Variants in NFIA observed in about 807,000 individuals in gnomAD.
The protein encoded by NFIA is nuclear factor I A, also known as nuclear factor 1 A-type.
NFIA carries 8 observed loss-of-function variants against 62.8 expected under a neutral mutation model. That is an observed-to-expected ratio of 0.13 (90% CI 0.07 to 0.23). The LOEUF (loss-of-function observed/expected upper bound fraction) is 0.23, where lower values mean the gene tolerates loss of function less well. Among genes scored for constraint, NFIA ranks in the 10% least tolerant of loss-of-function variants. The pLI, the probability that NFIA is intolerant of heterozygous loss-of-function variation, is 1.00. For synonymous variants in NFIA, 235 were observed against 238.1 expected, an observed-to-expected ratio of 0.99 and a Z score of 0.12; for missense variants, 410 against 642.1, an observed-to-expected ratio of 0.64 and a Z score of 3.91.
At chr1:61,439,227 G>T (rs1667469949) in intron 10 of NFIA, among the ~76,000 whole-genome samples, 2 of 152,096 alleles carry the variant, frequency 1.3e-5, no homozygotes. Context: ...GCTGCATCAA[G>T]ACCCAGATCA....
At chr1:61,096,144 A>G (rs1008248358) in intron 2 of NFIA, among the ~76,000 whole-genome samples, 8 of 152,324 alleles carry the variant, frequency 5.3e-5, no homozygotes, top group African/African-American at 1.2e-4. Context: ...AAATTAAAAT[A>G]GGAAAAAAAT....
In NFIA at chr1:61,460,515, G is replaced by A. The variant is rs1272422703; in HGVS notation, c.*5195G>A. The stretch of plus-strand genomic sequence containing the variant: ...TGTAAATGCATAGCAGTGTTTATCT[G>A]CATGAGAACTATGCACTAATCTATC... On this transcript the variant is annotated 3_prime_UTR_variant, in exon 11 of 11. Transcript: ENST00000403491. 1 of 152,206 alleles carries A rather than the reference G, an allele frequency of 6.6e-6. No homozygotes were observed. The highest frequency in any genetic ancestry group is 1.5e-5 in the Non-Finnish European group (1 of 68,028). 9.4% of individuals were successfully genotyped at this position (152,206 alleles called of 1,614,324 possible).
intron 3 of NFIA, among the ~76,000 whole-genome samples, chr1:61,305,287 G>A (rs984459893): frequency 1.3e-5 from 2 of 152,098 alleles, no homozygotes; most frequent in African/African-American, 4.8e-5. Context: ...GAAGAGAAAA[G>A]GACCAGAGTT....
chr1:61,129,816 A>G (rs1348588493), intron 2 of NFIA, among the ~76,000 whole-genome samples: 1 of 152,194 alleles, frequency 6.6e-6, no homozygotes, highest in African/African-American at 2.4e-5. Context: ...GGCATTCTCC[A>G]AAGGGAACTT....
intron 2 of NFIA, among the ~76,000 whole-genome samples, chr1:61,275,308 A>G (rs147603163): frequency 1.2e-4 from 19 of 152,194 alleles, no homozygotes; most frequent in African/African-American, 3.9e-4. Flanking sequence ...CATGTTTTCT[A>G]TTATTATGCT....
rs888885463 is a variant in NFIA at position 61,459,905 on chromosome 1, G to A, written c.*4585G>A. ...TCTAGAAATATCTTTGTCCATAGTGGTGGTGGAGTCTCTCTCTCTCTCTCT... is the reference window on the plus strand; with the variant it reads ...TCTAGAAATATCTTTGTCCATAGTGATGGTGGAGTCTCTCTCTCTCTCTCT... On this transcript the variant is annotated 3_prime_UTR_variant, in exon 11 of 11. Coordinates refer to ENST00000403491, the MANE Select transcript of NFIA (RefSeq NM_001134673.4). The A allele has an allele frequency of 2.6e-5, 4 of 152,172 alleles. No homozygotes were observed. The East Asian group carries it at 7.7e-4, about 29-fold the overall frequency. 9.4% of individuals were successfully genotyped at this position (152,172 alleles called of 1,614,324 possible).
chr1:61,225,057 A>C (rs1463084628), intron 2 of NFIA, among the ~76,000 whole-genome samples: 1 of 152,110 alleles, frequency 6.6e-6, no homozygotes, highest in Non-Finnish European at 1.5e-5. Context: ...GATTCATGAC[A>C]TAGGAATCTA....
chr1:61,365,945 A>G (rs1405489326), intron 6 of NFIA, among the ~76,000 whole-genome samples: 2 of 152,228 alleles, frequency 1.3e-5, no homozygotes, highest in Non-Finnish European at 2.9e-5. Context: ...GGAGTAAAAG[A>G]AAAGAGCTGT....
At chr1:61,220,970 A>G (rs1653982320) in intron 2 of NFIA, among the ~76,000 whole-genome samples, 1 of 152,218 alleles carries the variant, frequency 6.6e-6, no homozygotes, top group South Asian at 2.1e-4. Context: ...GAATACAATC[A>G]TAGCTTTAAT....
chr1:61,438,998 GACACACAC>G (rs3076170), intron 10 of NFIA, among the ~76,000 whole-genome samples: 196 of 141,950 alleles, frequency 1.4e-3, no homozygotes, highest in East Asian at 3.1e-3. Context: ...CATGCATGCA[GACACACAC>G]ACACACACAC....
At chr1:61,214,316 C>G (rs1052280111) in intron 2 of NFIA, among the ~76,000 whole-genome samples, 2 of 146,176 alleles carry the variant, frequency 1.4e-5, no homozygotes, top group Admixed American at 1.4e-4. Flanking sequence ...GAGCTCCAGC[C>G]TCAGTCCTTG....
chr1:61,344,764 T>C (rs1192803449), intron 4 of NFIA, among the ~76,000 whole-genome samples: 1 of 152,240 alleles, frequency 6.6e-6, no homozygotes, highest in Non-Finnish European at 1.5e-5. Flanking sequence ...TCGTTAATGC[T>C]CCCTGCTGAC....
intron 10 of NFIA, among the ~76,000 whole-genome samples, chr1:61,431,955 A>G (rs1667113711): frequency 6.6e-6 from 1 of 152,212 alleles, no homozygotes; most frequent in Admixed American, 6.5e-5. Context: ...AACACCTACA[A>G]AGTACAGGGA....
chr1:61,382,531 A>G (rs1383569914), intron 6 of NFIA, among the ~76,000 whole-genome samples: 2 of 152,190 alleles, frequency 1.3e-5, no homozygotes, highest in African/African-American at 4.8e-5. Flanking sequence ...TTCTCTGTGC[A>G]TAGAAATAGC....
intron 9 of NFIA, among the ~76,000 whole-genome samples, chr1:61,409,355 T>C (rs1446484019): frequency 1.3e-5 from 2 of 152,234 alleles, no homozygotes; most frequent in Non-Finnish European, 1.5e-5. Context: ...GATGAATTCA[T>C]AGTAATATGT....
chr1:61,139,001 C>A (rs990620286), intron 2 of NFIA, among the ~76,000 whole-genome samples: 4 of 151,662 alleles, frequency 2.6e-5, no homozygotes, highest in Admixed American at 6.6e-5. Flanking sequence ...ACCAGCCTGG[C>A]CAACATGGTG....
intron 2 of NFIA, among the ~76,000 whole-genome samples, chr1:61,208,164 A>G (rs1445114872): frequency 1.3e-5 from 2 of 152,112 alleles, no homozygotes; most frequent in South Asian, 2.1e-4. Context: ...ACCGTTCCCT[A>G]TAACTAGATC....
intron 3 of NFIA, among the ~76,000 whole-genome samples, chr1:61,284,097 A>G (rs1658330555): frequency 6.6e-6 from 1 of 152,204 alleles, no homozygotes; most frequent in African/African-American, 2.4e-5. Context: ...TCCTTCAAAA[A>G]ACCCCGCAGG....
chr1:61,275,134 A>G (rs1415953690), intron 2 of NFIA, among the ~76,000 whole-genome samples: 1 of 152,164 alleles, frequency 6.6e-6, no homozygotes, highest in African/African-American at 2.4e-5. Flanking sequence ...TGCCTTCTCC[A>G]GTGTTTGTAT....
Sources: gnomAD v4.1 joint callset for allele counts (sites outside exome capture counted in the v4.1 genomes callset) on GRCh38, gnomAD v4.1.1 for gene constraint, MANE v1.5 for transcripts, NCBI Gene and HGNC (gene_info 2026-07-23, HGNC 2026-07-21) for gene names.